The following EIF4B variants were observed in gnomAD, a reference collection of about 807,000 sequenced individuals.
The protein encoded by EIF4B is eukaryotic translation initiation factor 4B.
In EIF4B, 8 loss-of-function variants were observed where a neutral mutation model predicts 79.3. That is an observed-to-expected ratio of 0.10 (90% confidence interval 0.06 to 0.18). The LOEUF (loss-of-function observed/expected upper bound fraction) is 0.18, where lower values mean the gene tolerates loss of function less well. Ranked by LOEUF, EIF4B falls within the 10% of genes least tolerant of loss-of-function variation. EIF4B has a pLI of 1.00. For synonymous variants in EIF4B, 238 were observed against 274.7 expected (o/e 0.87, Z 1.32); for missense variants, 515 against 792.4 (o/e 0.65, Z 4.20).
In EIF4B at chr12:53,028,091, C is replaced by G. The variant is rs540767038; in HGVS notation, c.882C>G (p.Gly294=). ...GCAGGGATGATGACTACAGAGGAGG[C>G]GGGGACCGCTATGAAGACCGATATG... ...GYRRDDDYRG[G]GDRYEDRYDR... The change falls in exon 8 of 15, where the codon GGC becomes GGG. Residue 294 remains glycine (G), a synonymous_variant. Coordinates refer to ENST00000262056, the MANE Select transcript of EIF4B (RefSeq NM_001417.7). 7.4e-6 allele frequency: 12 copies of G among 1,613,718 alleles called. No individual in the cohort carries two copies. The African/African-American group carries it at 1.5e-4, about 20-fold the overall frequency.
chr12:53,009,934 T>C (rs4919715), intron 1 of EIF4B, among the ~76,000 whole-genome samples: 121,496 of 152,148 alleles, frequency 0.8, 50,841 homozygotes, highest in Non-Finnish European at 0.93. Flanking sequence ...AGGAAATAAC[T>C]GAACTTGAGT....
At chr12:53,006,570 G>A in intron 1 of EIF4B, 74 bp downstream of exon 1, 1 of 1,610,306 alleles carries the variant, frequency 6.2e-7, no homozygotes, top group Non-Finnish European at 8.5e-7. Context: ...CTGATTTCCT[G>A]AAGTCGGGGA....
chr12:53,027,929 A>G lies in EIF4B; in HGVS notation c.805+10A>G, dbSNP rs1381443428. On this transcript the variant is annotated intron_variant, in intron 7 of 14. Coordinates refer to ENST00000262056, the MANE Select transcript of EIF4B (RefSeq NM_001417.7). ...AGAGACTATGATAGAGGTAATTGTA[A>G]AACATGTCGAATTGCTCTTTCAGTA... is the stretch of plus-strand genomic sequence containing the variant. 6.2e-7 allele frequency: 1 copy of G among 1,612,044 alleles called. No individual in the cohort carries two copies. The highest frequency in any genetic ancestry group is 8.5e-7 in the Non-Finnish European group (1 of 1,178,782).
At position 53,033,813 on chromosome 12, in the gene EIF4B, C is replaced by T. The variant is rs115214256; in HGVS notation, c.987C>T (p.Pro329=). The change falls in exon 9 of 15, where the codon CCC becomes CCT. Residue 329 remains proline (P), a synonymous_variant. Coordinates refer to ENST00000262056, the MANE Select transcript of EIF4B (RefSeq NM_001417.7). The part of the protein sequence containing the change: ...DDYRRDDRGP[P]QRPKLNLKPR... ...AAGTTTCATTTAACTTAGGTCCCCC[C>T]CAAAGACCCAAACTGAATCTAAAGC... 21 of 1,590,162 alleles carry T rather than the reference C, an allele frequency of 1.3e-5. No individual in the cohort carries two copies. The African/African-American group carries it at 1.6e-4, about 12-fold the overall frequency.
rs1017247867 is a variant in EIF4B at position 53,041,443 on chromosome 12, C to CTAATGTGGAG, written c.*1221_*1222insAATGTGGAGT. On this transcript the variant is annotated 3_prime_UTR_variant, in exon 15 of 15. Transcript: ENST00000262056. ...TTTTCCCCCCAAGTTTCCTTCTCCA[C>CTAATGTGGAG]TGAAATGCCACACTAATGCTTGTTG... 6.6e-6 allele frequency: 1 copy of CTAATGTGGAG among 152,102 alleles called. No individual in the cohort carries two copies. Among genetic ancestry groups the CTAATGTGGAG allele is most frequent in the African/African-American group, 2.4e-5 (1 of 41,410 alleles). 9.4% of individuals were successfully genotyped at this position (152,102 alleles called of 1,614,324 possible).
intron 2 of EIF4B, among the ~76,000 whole-genome samples, chr12:53,018,137 C>T (rs1462987937): frequency 2.6e-5 from 4 of 152,196 alleles, no homozygotes; most frequent in Non-Finnish European, 5.9e-5. Flanking sequence ...ATTACTGGCA[C>T]ATGCCACCAC....
chr12:53,009,436 A>G (rs1943024915), intron 1 of EIF4B, among the ~76,000 whole-genome samples: 1 of 151,956 alleles, frequency 6.6e-6, no homozygotes, highest in Non-Finnish European at 1.5e-5. Flanking sequence ...CAGAGGTTGC[A>G]GTGAATTGAG....
intron 2 of EIF4B, among the ~76,000 whole-genome samples, chr12:53,017,829 G>C (rs1224959611): frequency 6.6e-6 from 1 of 152,132 alleles, no homozygotes; most frequent in Non-Finnish European, 1.5e-5. Context: ...CTGACCTCAT[G>C]ACCCACCTGC....
intron 2 of EIF4B, 147 bp from the exon 3 acceptor site, chr12:53,018,651 T>C: frequency 1.5e-6 from 1 of 681,428 alleles, no homozygotes. Context: ...CTTCGTAAAG[T>C]GCCCTTATTA....
In EIF4B at chr12:53,019,826, C is replaced by CA. The variant is rs1439603897; in HGVS notation, c.361-83dup. The CA allele has an allele frequency of 5.4e-6, 7 of 1,301,858 alleles. No individual in the cohort carries two copies. The African/African-American group carries it at 1.0e-4, about 19-fold the overall frequency. 80.6% of individuals were successfully genotyped at this position (1,301,858 alleles called of 1,614,324 possible). A position where few individuals can be genotyped will look rare whatever the true frequency, so the allele number is the denominator to read the frequency against. ...GTATTCAGAAAAATTCATGCACATACAGTAATGCTTTTGTAGTCCTCTCAA... is the reference window on the plus strand; with the variant it reads ...GTATTCAGAAAAATTCATGCACATACAAGTAATGCTTTTGTAGTCCTCTCAA... On this transcript the variant is annotated intron_variant, in intron 3 of 14. Coordinates refer to ENST00000262056, the MANE Select transcript of EIF4B (RefSeq NM_001417.7).
intron 6 of EIF4B, 72 bp downstream of exon 6, chr12:53,022,699 AC>A: frequency 6.5e-7 from 1 of 1,528,200 alleles, no homozygotes. Context: ...CAAATGTGTT[AC>A]AGATGATCAG....
intron 6 of EIF4B, among the ~76,000 whole-genome samples, chr12:53,026,880 T>C (rs1166518034): frequency 6.6e-6 from 1 of 152,110 alleles, no homozygotes; most frequent in East Asian, 1.9e-4. Flanking sequence ...ATTTGTACCA[T>C]TTAAAATTAT....
At chr12:53,033,780 A>T in intron 8 of EIF4B, 26 bp from the exon 9 acceptor site, 1 of 1,562,626 alleles carries the variant, frequency 6.4e-7, no homozygotes, top group East Asian at 2.3e-5. Context: ...TTGGAAAACT[A>T]TTACTTAAAG....
rs1298091422 is a variant in EIF4B, at chr12:53,037,411, G to C, written c.1309G>C (p.Ala437Pro). 6.2e-7 allele frequency: 1 copy of C among 1,611,244 alleles called. No individual in the cohort carries two copies. Among genetic ancestry groups the C allele is most frequent in the Non-Finnish European group, 8.5e-7 (1 of 1,179,408 alleles). The change falls in exon 11 of 15, where the codon GCA becomes CCA. Residue 437 changes from alanine to proline, a missense_variant and splice_region_variant. Transcript: ENST00000262056. The part of the protein sequence containing the change: ...TGTSTTSSRN[A>P]RRRESEKSLE... ...ATATTTTCACTCTGGCTTCACAGATGCACGAAGGAGAGAGAGTGAGAAGTC... is the reference window on the plus strand; with the variant it reads ...ATATTTTCACTCTGGCTTCACAGATCCACGAAGGAGAGAGAGTGAGAAGTC...
intron 5 of EIF4B, 76 bp downstream of exon 5, chr12:53,021,936 G>T: frequency 6.4e-7 from 1 of 1,572,344 alleles, no homozygotes; most frequent in Non-Finnish European, 8.7e-7. Flanking sequence ...CAGAAAATTT[G>T]AATAGGGGTA....
intron 6 of EIF4B, among the ~76,000 whole-genome samples, chr12:53,027,120 T>C (rs1219100919): frequency 9.0e-6 from 1 of 111,486 alleles, no homozygotes; most frequent in Non-Finnish European, 1.7e-5. Flanking sequence ...AGAGACTGTC[T>C]CTCAAAAAAA....
At chr12:53,038,224 TA>T (rs1379221111) in intron 11 of EIF4B, 131 bp from the exon 12 acceptor site, 2 of 676,350 alleles carry the variant, frequency 3.0e-6, no homozygotes, top group Non-Finnish European at 4.7e-6. Context: ...TCCCATATTT[TA>T]ATGTTCCATA....
intron 1 of EIF4B, among the ~76,000 whole-genome samples, 155 bp from the exon 2 acceptor site, chr12:53,016,318 T>C (rs556032360): frequency 1.8e-4 from 28 of 152,372 alleles, no homozygotes; most frequent in African/African-American, 6.5e-4. Context: ...CTTATTTATG[T>C]CTGCATAGTA....
chr12:53,008,592 T>C (rs1943008811), intron 1 of EIF4B: 1 of 152,256 alleles, frequency 6.6e-6, no homozygotes, highest in African/African-American at 2.4e-5. Flanking sequence ...AAAAATTCTT[T>C]GCAGCAATAC....
Sources: gnomAD v4.1 joint callset for allele counts (sites outside exome capture counted in the v4.1 genomes callset) on GRCh38, gnomAD v4.1.1 for gene constraint, MANE v1.5 for transcripts, NCBI Gene and HGNC (gene_info 2026-07-23, HGNC 2026-07-21) for gene names.